PAQR5: variants seen among roughly 807,000 people sequenced by gnomAD.
PAQR5 encodes the protein progestin and adipoQ receptor family member 5, also known as membrane progestin receptor gamma.
PAQR5 carries 20 observed loss-of-function variants against 34.5 expected under a neutral mutation model. The ratio of observed to expected loss-of-function variants is 0.58; its 90% confidence interval spans 0.41 to 0.84. The LOEUF (loss-of-function observed/expected upper bound fraction) is 0.84, where lower values mean the gene tolerates loss of function less well. PAQR5 is among the 40% of genes least tolerant of loss of function. PAQR5 has a pLI of 0.00. For missense variants in PAQR5, 378 were observed against 412.7 expected, an observed-to-expected ratio of 0.92 and a Z score of 0.73; for synonymous variants, 131 against 155.6, an observed-to-expected ratio of 0.84 and a Z score of 1.18.
chr15:69,304,586 C>T (rs1017379912), intron 1 of PAQR5, among the ~76,000 whole-genome samples: 7 of 152,172 alleles, frequency 4.6e-5, no homozygotes, highest in Admixed American at 6.5e-5. Context: ...TCACCCATGC[C>T]CTGTCCTCCG....
intron 1 of PAQR5, among the ~76,000 whole-genome samples, chr15:69,300,413 TCTCTGC>T (rs1336305843): frequency 6.6e-6 from 1 of 152,084 alleles, no homozygotes; most frequent in Non-Finnish European, 1.5e-5. Flanking sequence ...AACTGCCTTA[TCTCTGC>T]CCTTGGCAAG....
intron 2 of PAQR5, among the ~76,000 whole-genome samples, chr15:69,355,360 C>CTTTT (rs1481517136): frequency 2.9e-5 from 1 of 33,992 alleles, no homozygotes; most frequent in African/African-American, 9.8e-5. Flanking sequence ...TTCTTTCTTT[C>CTTTT]TTTCTTTCTT....
At chr15:69,304,452 C>G (rs2053671208) in intron 1 of PAQR5, among the ~76,000 whole-genome samples, 1 of 152,180 alleles carries the variant, frequency 6.6e-6, no homozygotes, top group East Asian at 1.9e-4. Flanking sequence ...AAGGGTGACT[C>G]TAGACATCAG....
At chr15:69,304,804 G>A (rs543682515) in intron 1 of PAQR5, among the ~76,000 whole-genome samples, 1 of 152,252 alleles carries the variant, frequency 6.6e-6, no homozygotes, top group African/African-American at 2.4e-5. Context: ...ACCTTGGTGG[G>A]ATTCATTTGG....
Position 69,400,123 on chromosome 15 carries a change from G to A in PAQR5, c.751+8G>A. 6.2e-7 allele frequency: 1 copy of A among 1,610,590 alleles called. No homozygotes were observed. Among genetic ancestry groups the A allele is most frequent in the South Asian group, 1.1e-5 (1 of 90,514 alleles). The stretch of plus-strand genomic sequence containing the variant: ...GACGCTTTGACTACATCGGTGAGTG[G>A]GCAACAGCCCTGCTGCTCTGCTCAT... On this transcript the variant is annotated splice_region_variant and intron_variant, in intron 8 of 8. Transcript: ENST00000395407.
At chr15:69,369,745 A>ATT (rs3085530) in intron 3 of PAQR5, among the ~76,000 whole-genome samples, 134,569 of 148,434 alleles carry the variant, frequency 0.91, 61,823 homozygotes, top group Non-Finnish European at 0.98. Flanking sequence ...TTTGGGAGAG[A>ATT]TTTTTTTTTT....
At chr15:69,399,898 T>C (rs542684826) in intron 7 of PAQR5, 76 bp from the exon 8 acceptor site, 75 of 1,473,562 alleles carry the variant, frequency 5.1e-5, no homozygotes, top group Middle Eastern at 3.6e-4. Context: ...AAGTCCCAGA[T>C]GCAGGTGCTG....
At chr15:69,375,466 G>T (rs1468769210) in intron 3 of PAQR5, among the ~76,000 whole-genome samples, 2 of 152,154 alleles carry the variant, frequency 1.3e-5, no homozygotes, top group East Asian at 3.9e-4. Flanking sequence ...TTGCCTCCCA[G>T]ATTTAGTTCA....
At chr15:69,340,984 A>G (rs2054625569) in intron 2 of PAQR5, among the ~76,000 whole-genome samples, 2 of 152,236 alleles carry the variant, frequency 1.3e-5, no homozygotes, top group South Asian at 4.1e-4. Flanking sequence ...CGTGCTTTTT[A>G]ATGATACTTT....
intron 5 of PAQR5, among the ~76,000 whole-genome samples, chr15:69,388,834 G>A (rs185180209): frequency 6.6e-6 from 1 of 152,350 alleles, no homozygotes; most frequent in Admixed American, 6.5e-5. Flanking sequence ...TGGAATGACA[G>A]GTGACCTAGG....
chr15:69,313,245 T>C lies in PAQR5; in HGVS notation c.-277+14189T>C, dbSNP rs138643570. 5.0e-3 allele frequency among the ~76,000 whole-genome samples: 760 copies of C among 152,228 alleles called. 8 individuals are homozygous for C. The highest frequency in any genetic ancestry group is 0.018 in the African/African-American group (736 of 41,524). ...GGCACAGTGTCTCATGCCCGTAAAA[T>C]CCAAACACTTTCAGAGGCCAAGGAG... On this transcript the variant is annotated intron_variant, in intron 1 of 8. Coordinates refer to ENST00000395407, the MANE Select transcript of PAQR5 (RefSeq NM_017705.4).
rs1406605434 is a variant in PAQR5, at chr15:69,400,036, G to A, written c.672G>A (p.Met224Ile). The change falls in exon 8 of 9, where the codon ATG (methionine) becomes ATA (isoleucine). Residue 224 changes from methionine to isoleucine, a missense_variant. Transcript: ENST00000395407. ...NEATSYHQKHMIMTLLASFLY... is the reference protein window; with the variant it reads ...NEATSYHQKHIIMTLLASFLY... ...CCACCTCGTACCACCAGAAGCACATGATCATGACCCTCCTGGCCTCTTTCT... is the reference window on the plus strand; with the variant it reads ...CCACCTCGTACCACCAGAAGCACATAATCATGACCCTCCTGGCCTCTTTCT... 1.9e-6 allele frequency: 3 copies of A among 1,614,058 alleles called. No homozygotes were observed. The African/African-American group carries it at 4.0e-5, about 22-fold the overall frequency.
At chr15:69,378,610 A>AG (rs2055790026) in intron 3 of PAQR5, among the ~76,000 whole-genome samples, 1 of 152,118 alleles carries the variant, frequency 6.6e-6, no homozygotes, top group Non-Finnish European at 1.5e-5. Context: ...AGAAATTCAA[A>AG]GGAGAGGGTT....
chr15:69,387,070 CG>C (rs1223299372), intron 5 of PAQR5, among the ~76,000 whole-genome samples: 25 of 152,250 alleles, frequency 1.6e-4, no homozygotes, highest in African/African-American at 6.0e-4. Flanking sequence ...ACTCAGGCCC[CG>C]GCCTCTCACT....
At chr15:69,306,464 T>A (rs1455487021) in intron 1 of PAQR5, among the ~76,000 whole-genome samples, 1 of 143,670 alleles carries the variant, frequency 7.0e-6, no homozygotes, top group Non-Finnish European at 1.5e-5. Flanking sequence ...CAGGCTGGAG[T>A]GCAACGGCAC....
At chr15:69,396,539 C>T (rs2056439097) in intron 6 of PAQR5, among the ~76,000 whole-genome samples, 1 of 152,184 alleles carries the variant, frequency 6.6e-6, no homozygotes, top group African/African-American at 2.4e-5. Context: ...GAGGACACAG[C>T]CCTCCACAGT....
At chr15:69,333,305 T>C (rs1234065694) in intron 1 of PAQR5, among the ~76,000 whole-genome samples, 2 of 152,212 alleles carry the variant, frequency 1.3e-5, no homozygotes, top group Non-Finnish European at 2.9e-5. Flanking sequence ...CCTCTCAGAA[T>C]CAAAGGCTCT....
intron 4 of PAQR5, among the ~76,000 whole-genome samples, chr15:69,381,801 G>A (rs187593730): frequency 7.2e-5 from 11 of 152,170 alleles, no homozygotes; most frequent in East Asian, 3.8e-4. Flanking sequence ...TTTACTTCCC[G>A]CTGGGACAAA....
At chr15:69,341,578 T>A in intron 2 of PAQR5, among the ~76,000 whole-genome samples, 1 of 152,088 alleles carries the variant, frequency 6.6e-6, no homozygotes, top group Non-Finnish European at 1.5e-5. Context: ...CCACATTTTG[T>A]TTATCCATTC....
Sources: gnomAD v4.1 joint callset for allele counts (sites outside exome capture counted in the v4.1 genomes callset) on GRCh38, gnomAD v4.1.1 for gene constraint, MANE v1.5 for transcripts, NCBI Gene and HGNC (gene_info 2026-07-23, HGNC 2026-07-21) for gene names.